Variants in DCBLD1 observed in about 807,000 individuals in gnomAD.
DCBLD1 encodes discoidin, CUB and LCCL domain-containing protein 1.
A neutral mutation model predicts 71.5 loss-of-function variants in DCBLD1; 57 were observed. The ratio of observed to expected loss-of-function variants is 0.80; its 90% CI spans 0.64 to 0.99. The LOEUF (loss-of-function observed/expected upper bound fraction) is 0.99. DCBLD1 is among the 50% of genes least tolerant of loss of function. DCBLD1 has a pLI of 0.00. For missense variants in DCBLD1, 891 were observed against 923.5 expected, an observed-to-expected ratio of 0.96 and a Z score of 0.46; for synonymous variants, 380 against 363.8, an observed-to-expected ratio of 1.04 and a Z score of -0.51.
chr6:117,494,589 GT>G (rs370543568), intron 1 of DCBLD1, among the ~76,000 whole-genome samples: 214 of 147,484 alleles, frequency 1.5e-3, no homozygotes, highest in South Asian at 2.8e-3. Flanking sequence ...GTACAAACAA[GT>G]TTTTTTTTTT....
At chr6:117,549,864 T>A, downstream of DCBLD1, 3 of 985,396 alleles carry the variant, frequency 3.0e-6, no homozygotes, top group Non-Finnish European at 3.6e-6. Context: ...GTTCAGCTTC[T>A]GTAAAAAGGC....
intron 2 of DCBLD1, among the ~76,000 whole-genome samples, chr6:117,517,901 C>G (rs906445298): frequency 4.6e-5 from 7 of 152,296 alleles, no homozygotes; most frequent in Admixed American, 1.3e-4. Context: ...GGAAGGGTTG[C>G]CTTGAAGACC....
intron 14 of DCBLD1, among the ~76,000 whole-genome samples, chr6:117,557,553 A>G (rs910448675): frequency 6.6e-6 from 1 of 152,142 alleles, no homozygotes; most frequent in Non-Finnish European, 1.5e-5. Context: ...ACCTGAGGTC[A>G]GAAAGTTCAA....
intron 1 of DCBLD1, among the ~76,000 whole-genome samples, chr6:117,502,312 A>C (rs1257357292): frequency 6.6e-6 from 1 of 152,166 alleles, no homozygotes; most frequent in Non-Finnish European, 1.5e-5. Context: ...CCATTGGTCC[A>C]TTAAAGCCAA....
chr6:117,483,476 C>A (rs1368245271), intron 1 of DCBLD1, among the ~76,000 whole-genome samples: 4 of 152,192 alleles, frequency 2.6e-5, no homozygotes, highest in Admixed American at 6.5e-5. Context: ...CACCTCCTCT[C>A]GAGTGTCCTG....
chr6:117,557,575 C>T (rs1490892598), intron 14 of DCBLD1, among the ~76,000 whole-genome samples: 1 of 152,042 alleles, frequency 6.6e-6, no homozygotes, highest in African/African-American at 2.4e-5. Flanking sequence ...ACCAGCCTGG[C>T]CAACATGGTG....
In DCBLD1 at chr6:117,482,676, C is replaced by T. The variant is rs1409669353; in HGVS notation, c.-106C>T. On this transcript the variant is annotated 5_prime_UTR_variant, in exon 1 of 15. Coordinates refer to ENST00000338728, the MANE Select transcript of DCBLD1 (RefSeq NM_001366458.2). ...GTGCGGGGCAGCGACTGCGCCCCGT[C>T]CCGGCGCCGCGCTCGTCCGCAGAGG... The T allele has an allele frequency of 5.6e-6, 6 of 1,076,148 alleles. No homozygotes were observed. In the African/African-American group the frequency reaches 1.0e-4, roughly 18 times the overall value. The allele number at this position is 1,076,148 out of a possible 1,614,324, so 66.7% of individuals were successfully genotyped here.
chr6:117,558,676 A>G (rs1038677519), intron 14 of DCBLD1, among the ~76,000 whole-genome samples: 1 of 152,226 alleles, frequency 6.6e-6, no homozygotes, highest in Non-Finnish European at 1.5e-5. Context: ...GGAGTCACAC[A>G]GGACATGCTT....
chr6:117,525,536 T>G, intron 5 of DCBLD1, 102 bp downstream of exon 5: 4 of 810,678 alleles, frequency 4.9e-6, no homozygotes, highest in Non-Finnish European at 7.1e-6. Context: ...TATAAAACTC[T>G]AGATAGATGC....
rs71012362 is a variant in DCBLD1, at chr6:117,499,240, C to CA, written c.113-4510dup. 1.6e-3 allele frequency among the ~76,000 whole-genome samples: 178 copies of CA among 108,734 alleles called. 4 individuals carry two copies. Among genetic ancestry groups the CA allele is most frequent in the Admixed American group, 2.7e-3 (29 of 10,750 alleles). The allele number at this position is 108,734 out of a possible 152,430, so 71.3% of individuals were successfully genotyped here. ...GACATAGTGTGGCCCCCATCTCTAC[C>CA]AAAAAAAAAAAAAAAAATCTGCCAG... On this transcript the variant is annotated intron_variant, in intron 1 of 14. Coordinates refer to ENST00000338728, the MANE Select transcript of DCBLD1 (RefSeq NM_001366458.2).
chr6:117,552,385 A>G (rs1199375004), downstream of DCBLD1, among the ~76,000 whole-genome samples: 3 of 152,106 alleles, frequency 2.0e-5, no homozygotes, highest in African/African-American at 7.2e-5. Flanking sequence ...ATCCAACACC[A>G]TTTGCCTTAG....
intron 7 of DCBLD1, among the ~76,000 whole-genome samples, chr6:117,538,201 A>G (rs1158003188): frequency 6.6e-6 from 1 of 152,238 alleles, no homozygotes; most frequent in African/African-American, 2.4e-5. Context: ...CAGACGACTT[A>G]GACACATCTG....
Position 117,548,695 on chromosome 6 carries a change from G to A in DCBLD1, c.*256G>A, listed in dbSNP as rs1411636420. 3.6e-6 allele frequency: 5 copies of A among 1,394,116 alleles called. No homozygotes were observed. In the African/African-American group the frequency reaches 5.8e-5, roughly 16 times the overall value. 86.4% of individuals were successfully genotyped at this position (1,394,116 alleles called of 1,614,324 possible). On this transcript the variant is annotated 3_prime_UTR_variant, in exon 15 of 15. Transcript: ENST00000338728. ...AGAAAAATGAAAATTTTCAGATGGC[G>A]TTTTCATTCCTCTGACTGATATTGA...
At chr6:117,543,239 C>A (rs1175722593) in intron 12 of DCBLD1, 28 bp downstream of exon 12, 4 of 1,604,098 alleles carry the variant, frequency 2.5e-6, no homozygotes, top group African/African-American at 1.3e-5. Flanking sequence ...GTTTAAATTT[C>A]TTCTCTAATT....
chr6:117,497,846 T>A (rs1431884882), intron 1 of DCBLD1, among the ~76,000 whole-genome samples: 5 of 152,202 alleles, frequency 3.3e-5, no homozygotes, highest in African/African-American at 1.2e-4. Context: ...TATATTATTT[T>A]TCTCCTTTAT....
rs1582951208 is a variant in DCBLD1, at chr6:117,482,848, C to A, written c.67C>A (p.Leu23Met). Residue 23 changes from leucine to methionine, a missense_variant, in exon 1 of 15, where the codon CTG (leucine) becomes ATG (methionine). By Grantham distance (15) the Leu-to-Met change is conservative (BLOSUM62 2). Coordinates refer to ENST00000338728, the MANE Select transcript of DCBLD1 (RefSeq NM_001366458.2). Reference protein sequence around the residue: ...RAAGRGLLALLLAVSAPLRLQ... With the variant: ...RAAGRGLLALMLAVSAPLRLQ... ...TGCCGGGCGGGGCCTCCTGGCTTTG[C>A]TGCTCGCGGTCTCCGCCCCGCTCCG... 8.5e-7 allele frequency: 1 copy of A among 1,182,764 alleles called. No individual in the cohort carries two copies. Among genetic ancestry groups the A allele is most frequent in the Non-Finnish European group, 1.0e-6 (1 of 956,974 alleles). The allele number at this position is 1,182,764 out of a possible 1,614,324, so 73.3% of individuals were successfully genotyped here.
chr6:117,561,084 C>T, intron 14 of DCBLD1: 1 of 223,574 alleles, frequency 4.5e-6, no homozygotes, highest in East Asian at 6.5e-5. Context: ...CAACGGTGCT[C>T]TCCCGTAGGC....
intron 2 of DCBLD1, among the ~76,000 whole-genome samples, chr6:117,505,398 G>A (rs1020171471): frequency 1.3e-5 from 2 of 152,186 alleles, no homozygotes; most frequent in Admixed American, 1.3e-4. Flanking sequence ...AGTGTGAAAA[G>A]TGATGCAAAG....
chr6:117,534,257 C>T (rs1029704422), intron 6 of DCBLD1, among the ~76,000 whole-genome samples: 1 of 152,276 alleles, frequency 6.6e-6, no homozygotes, highest in Admixed American at 6.5e-5. Context: ...CATATATACA[C>T]ACACATATAT....
Sources: allele counts gnomAD v4.1 joint callset (sites outside exome capture counted in the v4.1 genomes callset), GRCh38; gene constraint gnomAD v4.1.1; transcripts MANE v1.5; gene names NCBI Gene and HGNC (gene_info 2026-07-23, HGNC 2026-07-21).